The following DNAH14 variants were observed in gnomAD, a reference collection of about 807,000 sequenced individuals.
DNAH14 encodes the protein dynein axonemal heavy chain 14.
Under a neutral mutation model 520.9 loss-of-function variants are expected in DNAH14, and 478 were observed. That is an observed-to-expected ratio of 0.92 (90% confidence interval 0.85 to 0.99). The LOEUF is 0.99. Ranked by LOEUF, DNAH14 falls within the 50% of genes least tolerant of loss-of-function variation. The pLI is 0.00. For synonymous variants in DNAH14, 1,581 were observed against 1,757.2 expected, an observed-to-expected ratio of 0.90 and a Z score of 2.51; for missense variants, 4,831 against 5,234.5, an observed-to-expected ratio of 0.92 and a Z score of 2.38.
intron 23 of DNAH14, among the ~76,000 whole-genome samples, chr1:225,104,383 G>A (rs1336380456): frequency 2.0e-5 from 3 of 152,148 alleles, no homozygotes; most frequent in African/African-American, 7.2e-5. Context: ...TTAGTATCAG[G>A]ATGATACTGG....
chr1:225,164,671 T>C (rs1266416852), intron 35 of DNAH14, among the ~76,000 whole-genome samples: 1 of 152,162 alleles, frequency 6.6e-6, no homozygotes, highest in African/African-American at 2.4e-5. Flanking sequence ...TTTTAGCTGA[T>C]GCCTCTTTTA....
rs1223660233 is a variant in DNAH14, at chr1:225,363,051, A to C, written c.11988-1741A>C. Among the ~76,000 whole-genome samples, 6 of 152,148 alleles carry C rather than the reference A, an allele frequency of 3.9e-5. No homozygotes were observed. In the South Asian group the frequency reaches 1.2e-3, roughly 32 times the overall value. On this transcript the variant is annotated intron_variant, in intron 75 of 85. Transcript: ENST00000682510. ...TTGTAATGATTTGGTTTGTTTTGCA[A>C]ATTTTTTAAAAATAATTTCACACTT... is the stretch of plus-strand genomic sequence containing the variant.
chr1:224,972,265 T>C (rs2061540726), intron 7 of DNAH14, among the ~76,000 whole-genome samples: 1 of 152,082 alleles, frequency 6.6e-6, no homozygotes, highest in South Asian at 2.1e-4. Flanking sequence ...GTTGTACAAT[T>C]AATATAGACT....
rs1217750695 is a variant in DNAH14, at chr1:225,338,126, A to G, written c.10377A>G (p.Lys3459=). 1.3e-6 allele frequency: 2 copies of G among 1,551,816 alleles called. No individual in the cohort carries two copies. Among genetic ancestry groups the G allele is most frequent in the East Asian group, 2.4e-5 (1 of 40,876 alleles). ...TGAAAAAGGATATCTATCAGAAAAA[A>G]GGACACTATTTCATAAGGGTTGGTG... ...AILKKDIYQK[K]GHYFIRVGDA... The change falls in exon 68 of 86, where the codon AAA becomes AAG. Residue 3459 remains lysine, a synonymous_variant. Coordinates refer to ENST00000682510, the MANE Select transcript of DNAH14 (RefSeq NM_001367479.1).
intron 27 of DNAH14, among the ~76,000 whole-genome samples, chr1:225,127,742 C>T (rs2077903758): frequency 6.6e-6 from 1 of 152,034 alleles, no homozygotes; most frequent in Non-Finnish European, 1.5e-5. Context: ...TGACTTTGAT[C>T]CTGTCATTAT....
At chr1:224,969,495 G>T (rs1186282719) in intron 7 of DNAH14, 1 of 167,908 alleles carries the variant, frequency 6.0e-6, no homozygotes, top group Non-Finnish European at 1.3e-5. Context: ...AAAGAAAAAG[G>T]AAAATCATAA....
intron 41 of DNAH14, among the ~76,000 whole-genome samples, chr1:225,226,087 CCTT>C (rs1177381562): frequency 2.6e-5 from 4 of 152,130 alleles, no homozygotes; most frequent in African/African-American, 7.2e-5. Flanking sequence ...GGGTAATAAA[CCTT>C]CTTATTCTCT....
intron 10 of DNAH14, among the ~76,000 whole-genome samples, chr1:225,020,813 G>A (rs1905113): frequency 0.055 from 8,379 of 152,196 alleles, 473 homozygotes; most frequent in East Asian, 0.24. Context: ...CTTATTTTAT[G>A]AGGCCAGCAT....
At chr1:225,313,349 G>A (rs1410309981) in intron 60 of DNAH14, among the ~76,000 whole-genome samples, 1 of 151,942 alleles carries the variant, frequency 6.6e-6, no homozygotes, top group Non-Finnish European at 1.5e-5. Context: ...TTCTTTATTA[G>A]TCTGGCTAGT....
intron 41 of DNAH14, among the ~76,000 whole-genome samples, chr1:225,208,642 G>T (rs193161620): frequency 1.3e-3 from 198 of 152,246 alleles, no homozygotes; most frequent in African/African-American, 4.4e-3. Flanking sequence ...TAGGAGTTCA[G>T]AGAATTAGAG....
chr1:225,175,125 T>C (rs546712321), intron 36 of DNAH14, among the ~76,000 whole-genome samples: 1 of 152,326 alleles, frequency 6.6e-6, no homozygotes, highest in East Asian at 1.9e-4. Context: ...AGGATATTAG[T>C]CAGTGGTTTC....
intron 42 of DNAH14, among the ~76,000 whole-genome samples, chr1:225,238,139 C>T (rs1242280294): frequency 6.6e-6 from 1 of 152,162 alleles, no homozygotes; most frequent in African/African-American, 2.4e-5. Flanking sequence ...TCATCCTCAG[C>T]CTAGTTTTGT....
chr1:225,112,244 A>G (rs1327226717), intron 23 of DNAH14, among the ~76,000 whole-genome samples: 1 of 152,144 alleles, frequency 6.6e-6, no homozygotes, highest in Non-Finnish European at 1.5e-5. Context: ...GATATACTAT[A>G]CTAGGGTAAA....
intron 21 of DNAH14, among the ~76,000 whole-genome samples, chr1:225,090,750 T>C (rs1314372582): frequency 1.3e-5 from 2 of 152,176 alleles, no homozygotes; most frequent in Non-Finnish European, 2.9e-5. Flanking sequence ...TGGACCTAAA[T>C]GCAAAACCTA....
intron 7 of DNAH14, 141 bp downstream of exon 7, chr1:224,969,015 C>T (rs938976117): frequency 1.8e-6 from 1 of 549,358 alleles, no homozygotes; most frequent in African/African-American, 2.0e-5. Flanking sequence ...TTTTACGGAA[C>T]ACCCCATTTC....
At chr1:225,324,672 A>C (rs1374040143) in intron 63 of DNAH14, 65 bp from the exon 64 acceptor site, 4 of 1,333,448 alleles carry the variant, frequency 3.0e-6, no homozygotes, top group Non-Finnish European at 4.2e-6. Context: ...TTTCAAATAT[A>C]AATGGCATTT....
chr1:225,057,385 T>C (rs1382289602), intron 17 of DNAH14, among the ~76,000 whole-genome samples: 2 of 152,232 alleles, frequency 1.3e-5, no homozygotes, highest in Non-Finnish European at 2.9e-5. Flanking sequence ...TTTTGTATCC[T>C]GGGACTTTGC....
At chr1:225,019,063 CAT>C (rs754583517) in intron 10 of DNAH14, among the ~76,000 whole-genome samples, 4 of 152,194 alleles carry the variant, frequency 2.6e-5, no homozygotes, top group Non-Finnish European at 4.4e-5. Context: ...CAAATCCTCA[CAT>C]GTTAATATTG....
At chr1:225,357,662 C>A in intron 73 of DNAH14, 1 of 534,784 alleles carries the variant, frequency 1.9e-6, no homozygotes, top group South Asian at 3.1e-5. Flanking sequence ...GAGCAGAATT[C>A]AGCATAATGA....
Sources: allele counts gnomAD v4.1 joint callset (sites outside exome capture counted in the v4.1 genomes callset), GRCh38; gene constraint gnomAD v4.1.1; transcripts MANE v1.5; gene names NCBI Gene and HGNC (gene_info 2026-07-23, HGNC 2026-07-21).